Variants in STXBP5L observed in about 807,000 individuals in gnomAD.
STXBP5L encodes the protein syntaxin binding protein 5L.
STXBP5L carries 65 observed loss-of-function variants against 144.5 expected under a neutral mutation model. That is an observed-to-expected ratio of 0.45 (90% CI 0.37 to 0.55). STXBP5L has a LOEUF of 0.55. STXBP5L is among the 20% of genes least tolerant of loss of function. The pLI is 0.00. For missense variants in STXBP5L, 1,298 were observed against 1,405.5 expected, an observed-to-expected ratio of 0.92 and a Z score of 1.22; for synonymous variants, 505 against 469.6, an observed-to-expected ratio of 1.08 and a Z score of -0.97.
chr3:121,318,017 T>C (rs1324458966), intron 19 of STXBP5L, among the ~76,000 whole-genome samples: 1 of 152,166 alleles, frequency 6.6e-6, no homozygotes, highest in Non-Finnish European at 1.5e-5. Context: ...TATTTTCAGA[T>C]AAAATTGGGT....
chr3:121,393,783 T>C (rs547160102), intron 22 of STXBP5L, among the ~76,000 whole-genome samples: 2 of 152,318 alleles, frequency 1.3e-5, no homozygotes, highest in South Asian at 2.1e-4. Context: ...TCTCTTCCAT[T>C]TATCTATCTA....
chr3:121,257,098 GATTAA>G lies in STXBP5L; in HGVS notation c.1660-56_1660-52del, dbSNP rs1357040911. 10 of 1,255,854 alleles carry G rather than the reference GATTAA, an allele frequency of 8.0e-6. No individual in the cohort carries two copies. In the East Asian group the frequency reaches 2.3e-4, roughly 29 times the overall value. 77.8% of individuals were successfully genotyped at this position (1,255,854 alleles called of 1,614,324 possible). On this transcript the variant is annotated intron_variant, in intron 16 of 26. Transcript: ENST00000471454. ...TAATGTGATTATTTATTATGACTTA[GATTAA>G]ATTAAAACGATGATTATTAGTGTGA...
intron 20 of STXBP5L, among the ~76,000 whole-genome samples, chr3:121,369,940 C>T (rs2045980964): frequency 6.6e-6 from 1 of 152,122 alleles, no homozygotes; most frequent in South Asian, 2.1e-4. Flanking sequence ...CTCTGTGTCC[C>T]CACCTAAATC....
At chr3:121,224,627 A>G (rs1411653998) in intron 11 of STXBP5L, among the ~76,000 whole-genome samples, 1 of 152,158 alleles carries the variant, frequency 6.6e-6, no homozygotes, top group Admixed American at 6.6e-5. Flanking sequence ...TAATGTATTA[A>G]TTTTTAAGTT....
At chr3:121,000,838 G>A (rs1044038350) in intron 3 of STXBP5L, among the ~76,000 whole-genome samples, 2 of 152,058 alleles carry the variant, frequency 1.3e-5, no homozygotes, top group Admixed American at 6.6e-5. Flanking sequence ...GTATAAGTTG[G>A]GTTTAGTTGA....
chr3:121,252,238 C>T (rs1208025393), intron 15 of STXBP5L, among the ~76,000 whole-genome samples: 3 of 151,868 alleles, frequency 2.0e-5, no homozygotes, highest in South Asian at 2.1e-4. Context: ...TGGCAGCATG[C>T]GCCTGTGGTC....
intron 11 of STXBP5L, among the ~76,000 whole-genome samples, chr3:121,225,652 C>T (rs566712419): frequency 2.2e-4 from 33 of 152,240 alleles, no homozygotes; most frequent in African/African-American, 7.9e-4. Flanking sequence ...ACATTGAAAG[C>T]ATGCCAGGGT....
intron 3 of STXBP5L, among the ~76,000 whole-genome samples, chr3:121,003,589 G>T (rs1943978094): frequency 6.6e-6 from 1 of 152,138 alleles, no homozygotes; most frequent in Admixed American, 6.6e-5. Context: ...GGCTTTTGTT[G>T]CCATTGCTTT....
intron 3 of STXBP5L, among the ~76,000 whole-genome samples, chr3:120,985,332 C>T (rs1208502119): frequency 6.6e-6 from 1 of 151,948 alleles, no homozygotes; most frequent in Admixed American, 6.6e-5. Flanking sequence ...TTATGGGTTA[C>T]AATATGATAT....
intron 19 of STXBP5L, among the ~76,000 whole-genome samples, chr3:121,291,768 A>G (rs991127557): frequency 6.6e-6 from 1 of 151,954 alleles, no homozygotes; most frequent in Admixed American, 6.6e-5. Context: ...CTTGCAGCCA[A>G]CTCATCAACA....
chr3:120,997,600 C>A (rs1192213148), intron 3 of STXBP5L, among the ~76,000 whole-genome samples: 2 of 152,090 alleles, frequency 1.3e-5, no homozygotes, highest in African/African-American at 4.8e-5. Flanking sequence ...TGTTCATGTC[C>A]TTTGCCCAAT....
chr3:121,030,720 C>T (rs1019263241), intron 3 of STXBP5L, among the ~76,000 whole-genome samples: 1 of 152,032 alleles, frequency 6.6e-6, no homozygotes, highest in African/African-American at 2.4e-5. Context: ...CACCCTAGAA[C>T]TACTGATCAG....
At position 121,213,245 on chromosome 3, in the gene STXBP5L, A is replaced by G. The variant is rs148339149; in HGVS notation, c.956+7244A>G. On this transcript the variant is annotated intron_variant, in intron 10 of 26. Transcript: ENST00000471454. ...TGCCCTGGCCAAAACTTCCAATACTATGTTGAATAGGAGTGGTGAGAGACC... is the reference window on the plus strand; with the variant it reads ...TGCCCTGGCCAAAACTTCCAATACTGTGTTGAATAGGAGTGGTGAGAGACC... 4.6e-3 allele frequency among the ~76,000 whole-genome samples: 694 copies of G among 152,236 alleles called. 4 individuals carry two copies. The highest frequency in any genetic ancestry group is 0.015 in the African/African-American group (642 of 41,538).
At chr3:120,917,855 A>G (rs2107573287) in intron 2 of STXBP5L, among the ~76,000 whole-genome samples, 1 of 152,332 alleles carries the variant, frequency 6.6e-6, no homozygotes, top group South Asian at 2.1e-4. Context: ...TGATTCTATG[A>G]GAAGATCATA....
chr3:120,994,287 C>G (rs891855844), intron 3 of STXBP5L, among the ~76,000 whole-genome samples: 1 of 151,902 alleles, frequency 6.6e-6, no homozygotes, highest in Non-Finnish European at 1.5e-5. Context: ...ATTTTTTTCT[C>G]CTGCCTAATT....
At chr3:120,964,469 G>A (rs897548700) in intron 3 of STXBP5L, among the ~76,000 whole-genome samples, 3 of 152,068 alleles carry the variant, frequency 2.0e-5, no homozygotes, top group Admixed American at 6.6e-5. Context: ...CTGGTATGTT[G>A]TGTCTTTGTT....
intron 3 of STXBP5L, among the ~76,000 whole-genome samples, chr3:120,999,041 G>C (rs546839220): frequency 5.5e-4 from 84 of 152,092 alleles, no homozygotes; most frequent in Middle Eastern, 3.4e-3. Context: ...TCTTCATATT[G>C]ATTTCTGTTT....
chr3:121,372,518 T>C (rs2046062590), intron 20 of STXBP5L, among the ~76,000 whole-genome samples: 1 of 152,164 alleles, frequency 6.6e-6, no homozygotes, highest in Non-Finnish European at 1.5e-5. Context: ...CTGCTGGGAT[T>C]CCAGAGGCCC....
intron 11 of STXBP5L, among the ~76,000 whole-genome samples, chr3:121,225,988 A>T (rs1049480308): frequency 6.6e-6 from 1 of 152,150 alleles, no homozygotes; most frequent in Non-Finnish European, 1.5e-5. Flanking sequence ...AAACATGTAA[A>T]CTGTAACTAG....
Sources: gnomAD v4.1 joint callset for allele counts (sites outside exome capture counted in the v4.1 genomes callset) on GRCh38, gnomAD v4.1.1 for gene constraint, MANE v1.5 for transcripts, NCBI Gene and HGNC (gene_info 2026-07-23, HGNC 2026-07-21) for gene names.